The following CAMK1D variants were observed in gnomAD, a reference collection of about 807,000 sequenced individuals.
CAMK1D encodes the protein calcium/calmodulin dependent protein kinase ID.
In CAMK1D, 9 loss-of-function variants were observed where a neutral mutation model predicts 47.7. The ratio of observed to expected loss-of-function variants is 0.19; its 90% confidence interval spans 0.11 to 0.33. CAMK1D has a LOEUF of 0.33. Among genes scored for constraint, CAMK1D ranks in the 10% least tolerant of loss-of-function variants. The pLI is 1.00. For synonymous variants in CAMK1D, 184 were observed against 184.9 expected (o/e 0.99, Z 0.04); for missense variants, 291 against 488.7 (o/e 0.60, Z 3.81).
intron 1 of CAMK1D, among the ~76,000 whole-genome samples, chr10:12,370,077 A>G (rs1410718577): frequency 1.3e-5 from 2 of 152,134 alleles, no homozygotes; most frequent in African/African-American, 4.8e-5. Flanking sequence ...TGTGGCAAGT[A>G]CAATATAGTG....
At chr10:12,662,589 T>G (rs1454208981) in intron 2 of CAMK1D, among the ~76,000 whole-genome samples, 1 of 150,858 alleles carries the variant, frequency 6.6e-6, no homozygotes, top group Non-Finnish European at 1.5e-5. Flanking sequence ...GGGGCGGAGC[T>G]TGCAGTGAGC....
At chr10:12,694,430 T>C (rs1421089988) in intron 3 of CAMK1D, among the ~76,000 whole-genome samples, 1 of 77,104 alleles carries the variant, frequency 1.3e-5, no homozygotes, top group African/African-American at 5.0e-5. Flanking sequence ...ATATGTTATA[T>C]ATCATATATA....
rs1231724468 is a variant in CAMK1D at position 12,825,769 on chromosome 10, G to T, written c.1039+79G>T. On this transcript the variant is annotated intron_variant, in intron 10 of 10. Transcript: ENST00000619168. The stretch of plus-strand genomic sequence containing the variant: ...GGTGGAGAGGAGGGAGCCGGCATCT[G>T]CCGAGCACCTCCTGTTTGCCAGGCG... 1.9e-6 allele frequency: 3 copies of T among 1,601,156 alleles called. No individual in the cohort carries two copies. In the South Asian group the frequency reaches 3.4e-5, roughly 18 times the overall value.
intron 3 of CAMK1D, among the ~76,000 whole-genome samples, chr10:12,686,156 A>G (rs1389465901): frequency 1.3e-5 from 2 of 152,194 alleles, no homozygotes; most frequent in Non-Finnish European, 2.9e-5. Flanking sequence ...TTGGAAGTTA[A>G]CATTGTTCAC....
At chr10:12,426,941 C>A (rs922443165) in intron 1 of CAMK1D, among the ~76,000 whole-genome samples, 2 of 152,156 alleles carry the variant, frequency 1.3e-5, no homozygotes, top group Non-Finnish European at 2.9e-5. Context: ...TCTTGATCTC[C>A]TGACTTCAAG....
intron 3 of CAMK1D, among the ~76,000 whole-genome samples, chr10:12,667,964 A>G (rs1245797418): frequency 6.6e-6 from 1 of 152,256 alleles, no homozygotes; most frequent in Admixed American, 6.5e-5. Context: ...TCTCTCTGTC[A>G]AATGGCAGTT....
At chr10:12,537,013 A>G (rs1430325172) in intron 1 of CAMK1D, among the ~76,000 whole-genome samples, 1 of 152,170 alleles carries the variant, frequency 6.6e-6, no homozygotes, top group Non-Finnish European at 1.5e-5. Flanking sequence ...ATTCCATGGT[A>G]CAGATGTACC....
intron 2 of CAMK1D, among the ~76,000 whole-genome samples, chr10:12,647,749 G>A (rs960830852): frequency 4.6e-5 from 7 of 152,148 alleles, no homozygotes; most frequent in African/African-American, 1.7e-4. Context: ...AGGACATAGG[G>A]CCAAGGACAT....
chr10:12,471,105 G>A (rs1197261099), intron 1 of CAMK1D, among the ~76,000 whole-genome samples: 3 of 151,506 alleles, frequency 2.0e-5, no homozygotes, highest in Admixed American at 6.6e-5. Context: ...CTACTTTCTT[G>A]TGTGCCTGTA....
chr10:12,823,397 C>G (rs1207380909), intron 8 of CAMK1D, among the ~76,000 whole-genome samples: 1 of 152,012 alleles, frequency 6.6e-6, no homozygotes, highest in Non-Finnish European at 1.5e-5. Flanking sequence ...AGGATCAAAG[C>G]CCAGGAAAGA....
chr10:12,384,115 T>C (rs1838422734), intron 1 of CAMK1D, among the ~76,000 whole-genome samples: 1 of 152,110 alleles, frequency 6.6e-6, no homozygotes. Flanking sequence ...ATATCATCAA[T>C]AAGAATAAGA....
chr10:12,774,794 A>G (rs1837206687), intron 5 of CAMK1D, among the ~76,000 whole-genome samples: 1 of 152,232 alleles, frequency 6.6e-6, no homozygotes, highest in Admixed American at 6.5e-5. Flanking sequence ...TGTGCCCGCA[A>G]GAGATTTAGG....
At position 12,798,674 on chromosome 10, in the gene CAMK1D, A is replaced by C. The variant is rs370237630; in HGVS notation, c.641+7441A>C. ...TCAAGACTCAATTATCTAAAGATAA[A>C]ATGTGCTGTTTGTGTATGAGAAAAG... is the stretch of plus-strand genomic sequence containing the variant. On this transcript the variant is annotated intron_variant, in intron 6 of 10. Transcript: ENST00000619168. 1.3e-3 allele frequency among the ~76,000 whole-genome samples: 201 copies of C among 152,362 alleles called. 3 individuals are homozygous for C. The highest frequency in any genetic ancestry group is 4.6e-3 in the African/African-American group (191 of 41,592).
chr10:12,460,240 C>T (rs948935587), intron 1 of CAMK1D, among the ~76,000 whole-genome samples: 1 of 151,148 alleles, frequency 6.6e-6, no homozygotes, highest in Non-Finnish European at 1.5e-5. Flanking sequence ...AGCTTGTTGT[C>T]GTATTTCCTA....
chr10:12,604,767 G>T (rs1412484983), intron 2 of CAMK1D, among the ~76,000 whole-genome samples: 1 of 151,862 alleles, frequency 6.6e-6, no homozygotes, highest in East Asian at 1.9e-4. Flanking sequence ...ATAGAAGGAA[G>T]GAGTGACTAC....
At chr10:12,661,331 G>C (rs139630921) in intron 2 of CAMK1D, among the ~76,000 whole-genome samples, 3 of 152,166 alleles carry the variant, frequency 2.0e-5, no homozygotes, top group African/African-American at 7.2e-5. Context: ...AAGTTATAGC[G>C]TAATTGCTTT....
At chr10:12,494,499 T>C (rs1834477514) in intron 1 of CAMK1D, among the ~76,000 whole-genome samples, 1 of 152,140 alleles carries the variant, frequency 6.6e-6, no homozygotes, top group Non-Finnish European at 1.5e-5. Flanking sequence ...TGCATTTCAG[T>C]TTAGTGCATC....
intron 1 of CAMK1D, among the ~76,000 whole-genome samples, chr10:12,384,689 A>G (rs1838439879): frequency 6.6e-6 from 1 of 152,226 alleles, no homozygotes; most frequent in African/African-American, 2.4e-5. Context: ...AATTAACTCA[A>G]AATGGATCAG....
At chr10:12,580,567 A>G (rs1286322368) in intron 2 of CAMK1D, among the ~76,000 whole-genome samples, 1 of 152,098 alleles carries the variant, frequency 6.6e-6, no homozygotes, top group Non-Finnish European at 1.5e-5. Context: ...ACTAGAAGAA[A>G]CTTCACTTTG....
Sources: gnomAD v4.1 joint callset for allele counts (sites outside exome capture counted in the v4.1 genomes callset) on GRCh38, gnomAD v4.1.1 for gene constraint, MANE v1.5 for transcripts, NCBI Gene and HGNC (gene_info 2026-07-23, HGNC 2026-07-21) for gene names.